VCF2: variants seen among roughly 807,000 people sequenced by gnomAD.
VCF2 encodes the protein VCP nuclear cofactor family member 2, also known as protein VCF2.
chrX:55,154,431 G>T, the VCF2 span, among the ~76,000 whole-genome samples: 1 of 112,327 alleles, frequency 8.9e-6, no homozygotes, highest in African/African-American at 3.2e-5. Flanking sequence ...TTCAATATAG[G>T]TTTAATGCTT....
the VCF2 span, among the ~76,000 whole-genome samples, chrX:55,157,994 T>C: frequency 5.3e-5 from 6 of 112,519 alleles, no homozygotes; most frequent in Non-Finnish European, 1.1e-4. Context: ...TTGTAAGATG[T>C]ATGGTTGAAA....
chrX:55,155,798 T>C, the VCF2 span, among the ~76,000 whole-genome samples: 2 of 110,804 alleles, frequency 1.8e-5, no homozygotes, highest in African/African-American at 6.6e-5. Context: ...TAAATAGAAC[T>C]GAGGAGATGA....
At chrX:55,154,198 C>T in the VCF2 span, among the ~76,000 whole-genome samples, 3 of 111,955 alleles carry the variant, frequency 2.7e-5, no homozygotes, top group East Asian at 2.8e-4. Flanking sequence ...TTGCAGCTCA[C>T]TGTGGCCTTG....
chrX:55,145,430 A>C, the VCF2 span: 1 of 754,181 alleles, frequency 1.3e-6, no homozygotes, highest in Non-Finnish European at 1.6e-6. Context: ...AGCCTTAGAA[A>C]CATTCTCCCT....
chrX:55,150,393 A>G, the VCF2 span, among the ~76,000 whole-genome samples: 2 of 111,405 alleles, frequency 1.8e-5, no homozygotes, highest in East Asian at 2.9e-4. Context: ...GATCCCTCAC[A>G]TGTGCAGTTT....
chrX:55,155,798 T>G, the VCF2 span, among the ~76,000 whole-genome samples: 1 of 110,804 alleles, frequency 9.0e-6, no homozygotes, highest in African/African-American at 3.3e-5. Context: ...TAAATAGAAC[T>G]GAGGAGATGA....
the VCF2 span, among the ~76,000 whole-genome samples, chrX:55,152,388 TC>T: frequency 8.9e-6 from 1 of 111,925 alleles, no homozygotes; most frequent in African/African-American, 3.2e-5. Context: ...TCTCTCTTCC[TC>T]CCCCTACTTT....
chrX:55,159,122 T>C, the VCF2 span: 1 of 1,187,070 alleles, frequency 8.4e-7, no homozygotes, highest in Non-Finnish European at 1.1e-6. Flanking sequence ...CTGACCATAC[T>C]TGCTACCTCT....
At chrX:55,153,120 C>T in the VCF2 span, among the ~76,000 whole-genome samples, 2 of 111,166 alleles carry the variant, frequency 1.8e-5, no homozygotes, top group African/African-American at 6.5e-5. Context: ...TGGTGTCTTC[C>T]GTCTCCCTAA....
the VCF2 span, chrX:55,161,171 A>G: frequency 8.3e-7 from 1 of 1,202,752 alleles, no homozygotes; most frequent in Non-Finnish European, 1.1e-6. Flanking sequence ...CTGCCCTCGG[A>G]ACCATAGCAA....
the VCF2 span, among the ~76,000 whole-genome samples, chrX:55,149,174 GTT>G: frequency 1.0e-4 from 9 of 90,173 alleles, no homozygotes; most frequent in Admixed American, 3.6e-4. Context: ...ACTGCAGGAG[GTT>G]TTTTTTTTTT....
At chrX:55,147,286 T>C in the VCF2 span, among the ~76,000 whole-genome samples, 2 of 15,747 alleles carry the variant, frequency 1.3e-4, no homozygotes, top group African/African-American at 2.9e-4. Context: ...GCTGTTCAAC[T>C]TAGGTCACAC....
chrX:55,148,304 TA>T, the VCF2 span, among the ~76,000 whole-genome samples: 1 of 110,319 alleles, frequency 9.1e-6, no homozygotes, highest in Non-Finnish European at 1.9e-5. Flanking sequence ...TTCTAATTTT[TA>T]AAAAATTATA....
the VCF2 span, among the ~76,000 whole-genome samples, chrX:55,158,543 T>C: frequency 1.8e-5 from 2 of 111,654 alleles, no homozygotes; most frequent in South Asian, 7.5e-4. Flanking sequence ...AGAAGATTTA[T>C]AAGTTCCCAA....
At chrX:55,159,339 G>A in the VCF2 span, 3 of 526,993 alleles carry the variant, frequency 5.7e-6, no homozygotes, top group African/African-American at 2.4e-5. Context: ...CTGAAAAAAT[G>A]TCACTATCTG....
chrX:55,146,015 CT>C, the VCF2 span: 15 of 1,131,744 alleles, frequency 1.3e-5, no homozygotes, highest in South Asian at 2.1e-4. Flanking sequence ...AACCAATAGA[CT>C]TTTTTTGGTG....
the VCF2 span, among the ~76,000 whole-genome samples, chrX:55,150,936 C>T: frequency 8.0e-5 from 9 of 111,828 alleles, no homozygotes; most frequent in Non-Finnish European, 1.7e-4. Flanking sequence ...TTGTTTGAAA[C>T]TCAGAAACTT....
the VCF2 span, among the ~76,000 whole-genome samples, chrX:55,152,499 G>T: frequency 6.3e-5 from 7 of 111,729 alleles, no homozygotes; most frequent in Non-Finnish European, 1.1e-4. Context: ...TGCCACAAGA[G>T]ATCAAACAAA....
At chrX:55,144,805 T>A in the VCF2 span, among the ~76,000 whole-genome samples, 1 of 112,585 alleles carries the variant, frequency 8.9e-6, no homozygotes, top group South Asian at 3.6e-4. Context: ...GACCTCCAAA[T>A]ATAGTGGAAA....
Sources: gnomAD v4.1 joint callset for allele counts (sites outside exome capture counted in the v4.1 genomes callset) on GRCh38, gnomAD v4.1.1 for gene constraint, MANE v1.5 for transcripts, NCBI Gene and HGNC (gene_info 2026-07-23, HGNC 2026-07-21) for gene names.